The following GFI1B variants were observed in gnomAD, a reference collection of about 807,000 sequenced individuals.
GFI1B encodes growth factor independent 1B transcriptional repressor.
In GFI1B, 20 loss-of-function variants were observed where a neutral mutation model predicts 35.3. The ratio of observed to expected loss-of-function variants is 0.57; its 90% CI spans 0.40 to 0.82. The LOEUF (loss-of-function observed/expected upper bound fraction) is 0.82, where lower values mean the gene tolerates loss of function less well. Among genes scored for constraint, GFI1B ranks in the 40% least tolerant of loss-of-function variants. GFI1B has a pLI of 0.00. For missense variants in GFI1B, 430 were observed against 446.3 expected, an observed-to-expected ratio of 0.96 and a Z score of 0.33; for synonymous variants, 178 against 177.6, an observed-to-expected ratio of 1.00 and a Z score of -0.02.
intron 1 of GFI1B, among the ~76,000 whole-genome samples, chr9:132,967,537 G>A (rs1206201997): frequency 6.6e-6 from 1 of 152,108 alleles, no homozygotes; most frequent in South Asian, 2.1e-4. Context: ...TCTAAAAGAG[G>A]AACTATCAAA....
At chr9:132,949,054 T>C (rs1848161745) in intron 1 of GFI1B, among the ~76,000 whole-genome samples, 1 of 152,214 alleles carries the variant, frequency 6.6e-6, no homozygotes, top group African/African-American at 2.4e-5. Context: ...CCACTCACTT[T>C]TCACACCCAG....
chr9:132,953,991 CCT>C (rs1371372352), intron 1 of GFI1B, among the ~76,000 whole-genome samples: 2 of 152,050 alleles, frequency 1.3e-5, no homozygotes, highest in African/African-American at 4.8e-5. Flanking sequence ...TTTCCTGCCC[CCT>C]GTTTTTTGTG....
At chr9:132,988,893 G>T (rs1564179359) in intron 4 of GFI1B, among the ~76,000 whole-genome samples, 168 bp from the exon 5 acceptor site, 1 of 151,996 alleles carries the variant, frequency 6.6e-6, no homozygotes, top group Non-Finnish European at 1.5e-5. Context: ...GAGGCAAACG[G>T]ACCTCCCTGG....
At chr9:132,975,209 AG>A (rs1264598051), upstream of GFI1B, 2 of 152,178 alleles carry the variant, frequency 1.3e-5, no homozygotes, top group Non-Finnish European at 2.9e-5. Flanking sequence ...CTAAAGGTAA[AG>A]GGAAATTATT....
intron 4 of GFI1B, 117 bp from the exon 5 acceptor site, chr9:132,988,944 C>T (rs1257286144): frequency 1.0e-6 from 1 of 975,256 alleles, no homozygotes; most frequent in Non-Finnish European, 1.6e-6. Flanking sequence ...AATCCAGTGC[C>T]CCTTACTCTG....
intron 1 of GFI1B, among the ~76,000 whole-genome samples, chr9:132,968,816 A>G (rs989668899): frequency 6.6e-6 from 1 of 152,178 alleles, no homozygotes; most frequent in African/African-American, 2.4e-5. Flanking sequence ...TACACAGAAC[A>G]TACAATTTAT....
intron 1 of GFI1B, among the ~76,000 whole-genome samples, chr9:132,966,821 G>T (rs1232102277): frequency 1.3e-5 from 2 of 152,228 alleles, no homozygotes; most frequent in Non-Finnish European, 2.9e-5. Flanking sequence ...CGTCACCTGT[G>T]AAGTATCCGT....
At chr9:132,961,010 T>C (rs1848353545) in intron 1 of GFI1B, among the ~76,000 whole-genome samples, 1 of 152,148 alleles carries the variant, frequency 6.6e-6, no homozygotes, top group South Asian at 2.1e-4. Flanking sequence ...GGTTTTATTT[T>C]AGCTGCGCCT....
chr9:132,988,882 A>G (rs1849178654), intron 4 of GFI1B, among the ~76,000 whole-genome samples, 179 bp from the exon 5 acceptor site: 1 of 152,084 alleles, frequency 6.6e-6, no homozygotes, highest in Non-Finnish European at 1.5e-5. Flanking sequence ...TGAGCCACAG[A>G]GAGGCAAACG....
upstream of GFI1B, chr9:132,976,436 T>G (rs1848634306): frequency 6.6e-6 from 1 of 152,166 alleles, no homozygotes; most frequent in Non-Finnish European, 1.5e-5. Context: ...TCTAGCTGAT[T>G]GTTGGCAATG....
Position 132,989,272 on chromosome 9 carries a change from T to C in GFI1B, c.648+74T>C. 6.9e-7 allele frequency: 1 copy of C among 1,455,434 alleles called. No homozygotes were observed. Among genetic ancestry groups the C allele is most frequent in the Non-Finnish European group, 9.5e-7 (1 of 1,049,296 alleles). 90.2% of individuals were successfully genotyped at this position (1,455,434 alleles called of 1,614,324 possible). On this transcript the variant is annotated intron_variant, in intron 5 of 6. Transcript: ENST00000372122. The surrounding 1 kb of genome is among the most constrained non-coding windows in gnomAD (Gnocchi z 6.2). Reference sequence around the variant, plus strand: ...GCTTCCCCAGGGAGCCTGGGGGCTGTGGCTGGGTCCCTCCCCCTGCCCCTG... The same window carrying C: ...GCTTCCCCAGGGAGCCTGGGGGCTGCGGCTGGGTCCCTCCCCCTGCCCCTG...
intron 1 of GFI1B, among the ~76,000 whole-genome samples, chr9:132,967,105 G>A (rs1310308619): frequency 6.6e-6 from 1 of 152,086 alleles, no homozygotes; most frequent in African/African-American, 2.4e-5. Flanking sequence ...TTAGTTCTTT[G>A]GGGAGGGAAG....
intron 1 of GFI1B, among the ~76,000 whole-genome samples, chr9:132,985,975 A>G (rs996582088): frequency 3.3e-5 from 5 of 152,130 alleles, no homozygotes; most frequent in African/African-American, 1.2e-4. Flanking sequence ...GCTCCATTGC[A>G]GCCCAGGTCA....
At chr9:132,984,768 G>T (rs1421278512) in intron 1 of GFI1B, among the ~76,000 whole-genome samples, 5 of 152,162 alleles carry the variant, frequency 3.3e-5, no homozygotes, top group African/African-American at 1.2e-4. Flanking sequence ...CCTGAGCTTG[G>T]CCCCCTGTGC....
At chr9:132,964,679 A>G (rs1178583181) in intron 1 of GFI1B, among the ~76,000 whole-genome samples, 1 of 151,530 alleles carries the variant, frequency 6.6e-6, no homozygotes, top group East Asian at 1.9e-4. Flanking sequence ...CCAGTCTTGA[A>G]CTGTGCTACC....
chr9:132,991,542 CTGGCTGACTCCGACTTCCGACCAGCA>C lies in GFI1B; in HGVS notation c.*493_*518del. 5.9e-6 allele frequency: 1 copy of C among 168,342 alleles called. No homozygotes were observed. Among genetic ancestry groups the C allele is most frequent in the South Asian group, 1.5e-4 (1 of 6,698 alleles). 10.4% of individuals were successfully genotyped at this position (168,342 alleles called of 1,614,324 possible). A position where few individuals can be genotyped will look rare whatever the true frequency, so the allele number is the denominator to read the frequency against. ...ACCCCCTCTGCTTCGGCCAGATGTG[CTGGCTGACTCCGACTTCCGACCAGCA>C]CTCAGCTGGCCTCTGGGGATTCTAG... On this transcript the variant is annotated 3_prime_UTR_variant, in exon 7 of 7. Coordinates refer to ENST00000372122, the MANE Select transcript of GFI1B (RefSeq NM_001377304.1).
At chr9:132,983,921 C>T (rs1848926198) in intron 1 of GFI1B, among the ~76,000 whole-genome samples, 1 of 152,194 alleles carries the variant, frequency 6.6e-6, no homozygotes, top group Non-Finnish European at 1.5e-5. Flanking sequence ...GGGTCCTGAG[C>T]CCTCCAGGCT....
At chr9:132,964,568 C>T (rs765065353) in intron 1 of GFI1B, among the ~76,000 whole-genome samples, 1 of 152,058 alleles carries the variant, frequency 6.6e-6, no homozygotes. Context: ...CAATCACTAT[C>T]GCAAAAGATT....
In GFI1B at chr9:132,968,310, C is replaced by T. The variant is rs543647024; in HGVS notation, c.-700-4415C>T. Among the ~76,000 whole-genome samples, 7 of 151,058 alleles carry T rather than the reference C, an allele frequency of 4.6e-5. No individual in the cohort carries two copies. The East Asian group carries it at 9.8e-4, about 21-fold the overall frequency. Reference sequence around the variant, plus strand: ...AGAAAAATTTTTTTTTTAGTAGAGACGAGGCCTCACTACATTGCCTGGGCT... The same window carrying T: ...AGAAAAATTTTTTTTTTAGTAGAGATGAGGCCTCACTACATTGCCTGGGCT... On this transcript the variant is annotated intron_variant, in intron 1 of 10. Transcript: ENST00000339463.
Sources: allele counts gnomAD v4.1 joint callset (sites outside exome capture counted in the v4.1 genomes callset), GRCh38; gene constraint gnomAD v4.1.1; non-coding constraint Gnocchi (gnomAD v3.1); transcripts MANE v1.5; gene names NCBI Gene and HGNC (gene_info 2026-07-23, HGNC 2026-07-21).